The following PDE1A variants were observed in gnomAD, a reference collection of about 807,000 sequenced individuals.
PDE1A encodes the protein dual specificity calcium/calmodulin-dependent 3',5'-cyclic nucleotide phosphodiesterase 1A.
PDE1A carries 35 observed loss-of-function variants against 61.7 expected under a neutral mutation model. The observed-to-expected ratio is 0.57, with a 90% confidence interval of 0.43 to 0.75. PDE1A has a LOEUF of 0.75. Among genes scored for constraint, PDE1A ranks in the 30% least tolerant of loss-of-function variants. The pLI is 0.00. For synonymous variants in PDE1A, 232 were observed against 213.2 expected (o/e 1.09, Z -0.77); for missense variants, 597 against 630.6 (o/e 0.95, Z 0.57).
chr2:182,632,464 T>C, the PDE1A span, among the ~76,000 whole-genome samples: 10 of 152,226 alleles, frequency 6.6e-5, no homozygotes, highest in South Asian at 2.1e-4. Flanking sequence ...TTCTCATTTT[T>C]TTTTTCTTTG....
chr2:182,699,145 T>C, the PDE1A span, among the ~76,000 whole-genome samples: 1 of 152,194 alleles, frequency 6.6e-6, no homozygotes, highest in Non-Finnish European at 1.5e-5. Flanking sequence ...TAAAAAGGGA[T>C]AGGTGGTAAT....
chr2:182,596,424 T>C, the PDE1A span, among the ~76,000 whole-genome samples: 1 of 152,156 alleles, frequency 6.6e-6, no homozygotes, highest in East Asian at 1.9e-4. Context: ...AGGTGAGAAT[T>C]TGCAGAGTCT....
chr2:182,700,955 CTAAT>C, the PDE1A span, among the ~76,000 whole-genome samples: 3 of 151,850 alleles, frequency 2.0e-5, no homozygotes, highest in Non-Finnish European at 4.4e-5. Flanking sequence ...AATGCATGTC[CTAAT>C]TAGTTTTCAT....
chr2:182,349,654 G>A (rs1162460234), intron 1 of PDE1A, among the ~76,000 whole-genome samples: 2 of 152,050 alleles, frequency 1.3e-5, no homozygotes, highest in African/African-American at 4.8e-5. Context: ...CACAAACATC[G>A]GAGGCTGAGG....
intron 1 of PDE1A, among the ~76,000 whole-genome samples, chr2:182,356,513 C>T (rs115958997): frequency 1.2e-4 from 18 of 151,906 alleles, no homozygotes; most frequent in African/African-American, 4.4e-4. Context: ...ACTTTGGGAG[C>T]CCGAAGCAGG....
chr2:182,688,905 A>G, the PDE1A span, among the ~76,000 whole-genome samples: 1 of 152,218 alleles, frequency 6.6e-6, no homozygotes, highest in East Asian at 1.9e-4. Flanking sequence ...CAGACTTTAA[A>G]CCAACAAAGA....
At chr2:182,410,209 T>C (rs1203082586) in intron 1 of PDE1A, among the ~76,000 whole-genome samples, 2 of 151,962 alleles carry the variant, frequency 1.3e-5, no homozygotes, top group Non-Finnish European at 2.9e-5. Flanking sequence ...AGAAAAATTT[T>C]TTTTTTAATT....
chr2:182,622,656 C>T, the PDE1A span, among the ~76,000 whole-genome samples: 53 of 152,222 alleles, frequency 3.5e-4, no homozygotes, highest in African/African-American at 1.0e-3. Flanking sequence ...TCCAAGCTGC[C>T]GATTATCCAC....
chr2:182,473,141 A>T (rs1574743700), intron 2 of PDE1A, among the ~76,000 whole-genome samples: 1 of 151,948 alleles, frequency 6.6e-6, no homozygotes, highest in Admixed American at 6.6e-5. Flanking sequence ...GATGGATTAA[A>T]GACTTAAACC....
chr2:182,522,043 T>A (rs1003926680), intron 2 of PDE1A, among the ~76,000 whole-genome samples: 1 of 152,126 alleles, frequency 6.6e-6, no homozygotes, highest in Non-Finnish European at 1.5e-5. Context: ...AAAGAAACCA[T>A]GTAATATGAC....
intron 2 of PDE1A, among the ~76,000 whole-genome samples, chr2:182,477,697 G>C (rs1187607334): frequency 6.6e-6 from 1 of 151,850 alleles, no homozygotes; most frequent in Non-Finnish European, 1.5e-5. Context: ...GACATAGAGA[G>C]CATTATCACA....
At chr2:182,491,073 C>T (rs1243461944) in intron 2 of PDE1A, among the ~76,000 whole-genome samples, 1 of 152,168 alleles carries the variant, frequency 6.6e-6, no homozygotes, top group Non-Finnish European at 1.5e-5. Context: ...TTCGCCATTA[C>T]TTTTAATGAT....
intron 1 of PDE1A, among the ~76,000 whole-genome samples, chr2:182,301,145 C>T (rs1237623301): frequency 6.6e-6 from 1 of 152,128 alleles, no homozygotes; most frequent in Admixed American, 6.6e-5. Flanking sequence ...CTAAAGAACC[C>T]ATATTACAGC....
intron 1 of PDE1A, among the ~76,000 whole-genome samples, chr2:182,349,369 T>C (rs990012164): frequency 6.6e-6 from 1 of 152,222 alleles, no homozygotes; most frequent in Admixed American, 6.5e-5. Context: ...CAAAGTAACA[T>C]GGCTGTTGAG....
At chr2:182,613,233 C>A in the PDE1A span, among the ~76,000 whole-genome samples, 1 of 152,060 alleles carries the variant, frequency 6.6e-6, no homozygotes. Flanking sequence ...GTCAAGGATT[C>A]ATTTATTTAT....
intron 1 of PDE1A, among the ~76,000 whole-genome samples, chr2:182,377,209 C>G (rs1447176110): frequency 6.6e-6 from 1 of 152,128 alleles, no homozygotes; most frequent in African/African-American, 2.4e-5. Flanking sequence ...GTATTTGGTT[C>G]ATGAGGGTGG....
chr2:182,333,989 A>T (rs555109326), intron 1 of PDE1A, among the ~76,000 whole-genome samples: 1 of 152,302 alleles, frequency 6.6e-6, no homozygotes, highest in South Asian at 2.1e-4. Context: ...GAAGAAATGA[A>T]TAAATTCCTG....
intron 13 of PDE1A, among the ~76,000 whole-genome samples, chr2:182,149,094 T>G (rs1010369268): frequency 3.7e-4 from 56 of 152,286 alleles, no homozygotes; most frequent in African/African-American, 9.6e-4. Context: ...TTCTGTTACT[T>G]AAGACTAGAT....
At chr2:182,477,776 G>A (rs115760096) in intron 2 of PDE1A, among the ~76,000 whole-genome samples, 1 of 152,000 alleles carries the variant, frequency 6.6e-6, no homozygotes, top group African/African-American at 2.4e-5. Context: ...TACGGTAAAC[G>A]ACACACGAAC....
Sources: allele counts gnomAD v4.1 joint callset (sites outside exome capture counted in the v4.1 genomes callset), GRCh38; gene constraint gnomAD v4.1.1; transcripts MANE v1.5; gene names NCBI Gene and HGNC (gene_info 2026-07-23, HGNC 2026-07-21).